Variants in ZC3H12C observed in about 807,000 individuals in gnomAD.
ZC3H12C encodes the protein probable ribonuclease ZC3H12C.
ZC3H12C carries 20 observed loss-of-function variants against 76.3 expected under a neutral mutation model. The observed-to-expected ratio is 0.26, with a 90% CI of 0.18 to 0.38. The LOEUF is 0.38. Ranked by LOEUF, ZC3H12C falls within the 10% of genes least tolerant of loss-of-function variation. The pLI, the probability that ZC3H12C is intolerant of heterozygous loss-of-function variation, is 1.00. For missense variants in ZC3H12C, 874 were observed against 1,086.5 expected, an observed-to-expected ratio of 0.80 and a Z score of 2.75; for synonymous variants, 352 against 399.6, an observed-to-expected ratio of 0.88 and a Z score of 1.42.
chr11:110,119,401 A>G (rs1250188521), intron 1 of ZC3H12C, among the ~76,000 whole-genome samples: 2 of 151,972 alleles, frequency 1.3e-5, no homozygotes, highest in Admixed American at 6.6e-5. Context: ...ACATCCTTCA[A>G]TCAGAACCTT....
At chr11:110,154,006 A>G (rs1862325554) in intron 3 of ZC3H12C, among the ~76,000 whole-genome samples, 1 of 152,212 alleles carries the variant, frequency 6.6e-6, no homozygotes, top group Non-Finnish European at 1.5e-5. Flanking sequence ...CCGTGTAAAG[A>G]CAACTGTAAA....
intron 1 of ZC3H12C, among the ~76,000 whole-genome samples, chr11:110,110,948 A>G (rs1861417210): frequency 1.3e-5 from 2 of 152,216 alleles, no homozygotes; most frequent in African/African-American, 4.8e-5. Context: ...AAAACTTCAC[A>G]AAATTAATTT....
intron 1 of ZC3H12C, among the ~76,000 whole-genome samples, chr11:110,097,373 A>G (rs1475073880): frequency 6.6e-6 from 1 of 152,212 alleles, no homozygotes; most frequent in Non-Finnish European, 1.5e-5. Flanking sequence ...GAATAAGTAG[A>G]AAATCCCATG....
In ZC3H12C at chr11:110,155,691, T is replaced by C. The variant is rs993928110; in HGVS notation, c.913+2633T>C. On this transcript the variant is annotated intron_variant, in intron 3 of 5. Coordinates refer to ENST00000278590, the MANE Select transcript of ZC3H12C (RefSeq NM_033390.2). Reference sequence around the variant, plus strand: ...GATTTTATTTTTGTGTGTCTGTCTATACAGACACACAGGCATACATATATA... The same window carrying C: ...GATTTTATTTTTGTGTGTCTGTCTACACAGACACACAGGCATACATATATA... Among the ~76,000 whole-genome samples, 12 of 152,262 alleles carry C rather than the reference T, an allele frequency of 7.9e-5. No individual in the cohort carries two copies. The East Asian group carries it at 2.3e-3, about 29-fold the overall frequency.
At chr11:110,097,561 T>C (rs947473999) in intron 1 of ZC3H12C, among the ~76,000 whole-genome samples, 4 of 152,264 alleles carry the variant, frequency 2.6e-5, no homozygotes, top group African/African-American at 9.6e-5. Flanking sequence ...CATGTATTAA[T>C]GCATTTAATG....
At chr11:110,159,907 G>A (rs528162514) in intron 4 of ZC3H12C, among the ~76,000 whole-genome samples, 13 of 152,348 alleles carry the variant, frequency 8.5e-5, no homozygotes, top group South Asian at 4.1e-4. Context: ...ATCTTCAGGC[G>A]ATTTCATTGT....
At chr11:110,142,943 T>C (rs901116354) in intron 2 of ZC3H12C, among the ~76,000 whole-genome samples, 1 of 152,224 alleles carries the variant, frequency 6.6e-6, no homozygotes, top group African/African-American at 2.4e-5. Context: ...ATTTAAATGA[T>C]CTATAACAAG....
intron 2 of ZC3H12C, among the ~76,000 whole-genome samples, chr11:110,149,048 T>C (rs988866306): frequency 2.0e-5 from 3 of 152,172 alleles, no homozygotes; most frequent in African/African-American, 7.2e-5. Context: ...CCAAAACCTC[T>C]CCTAGTGTGA....
Position 110,168,639 on chromosome 11 carries a change from C to T in ZC3H12C, c.*2902C>T, listed in dbSNP as rs1358673258. 6.6e-6 allele frequency: 1 copy of T among 152,158 alleles called. No individual in the cohort carries two copies. Among genetic ancestry groups the T allele is most frequent in the Admixed American group, 6.5e-5 (1 of 15,284 alleles). The allele number at this position is 152,158 out of a possible 1,614,324, so 9.4% of individuals were successfully genotyped here. On this transcript the variant is annotated 3_prime_UTR_variant, in exon 6 of 6. Coordinates refer to ENST00000278590, the MANE Select transcript of ZC3H12C (RefSeq NM_033390.2). ...ATAATTGACAGTTGACTGTGCTTTACACAGTAACTAGCCAGTCTGTTGTCT... is the reference window on the plus strand; with the variant it reads ...ATAATTGACAGTTGACTGTGCTTTATACAGTAACTAGCCAGTCTGTTGTCT...
intron 3 of ZC3H12C, among the ~76,000 whole-genome samples, chr11:110,155,298 CA>C (rs5794672): frequency 0.68 from 96,414 of 141,016 alleles, 32,947 homozygotes; most frequent in South Asian, 0.78. Flanking sequence ...GACTCCATCT[CA>C]AAAAAAAAAA....
chr11:110,133,478 A>AT (rs1861900982), intron 1 of ZC3H12C, among the ~76,000 whole-genome samples: 1 of 152,208 alleles, frequency 6.6e-6, no homozygotes. Context: ...TTCAACCAGA[A>AT]TATTTTAAGA....
intron 1 of ZC3H12C, among the ~76,000 whole-genome samples, chr11:110,134,519 T>C (rs1035309385): frequency 2.6e-5 from 4 of 152,170 alleles, no homozygotes; most frequent in Admixed American, 2.6e-4. Flanking sequence ...TTACTTGCAT[T>C]ATGGTGTTAG....
intron 1 of ZC3H12C, among the ~76,000 whole-genome samples, chr11:110,106,692 A>G (rs1861335663): frequency 6.6e-6 from 1 of 152,208 alleles, no homozygotes. Context: ...ATCATATGCT[A>G]TATTTTATAC....
chr11:110,118,538 T>C (rs747102183), intron 1 of ZC3H12C, among the ~76,000 whole-genome samples: 3 of 152,202 alleles, frequency 2.0e-5, no homozygotes, highest in Non-Finnish European at 2.9e-5. Context: ...GGCACACACT[T>C]GTTATCCCAG....
rs962682247 is a variant in ZC3H12C at position 110,164,035 on chromosome 11, G to T, written c.1256-306G>T. On this transcript the variant is annotated intron_variant, in intron 5 of 5. Coordinates refer to ENST00000278590, the MANE Select transcript of ZC3H12C (RefSeq NM_033390.2). The surrounding 1 kb of genome is among the most constrained non-coding windows in gnomAD (Gnocchi z 5.7). ...GAATTGCTTGAACCCGAGAGGCAGAGGTTGCAGTGAGCTGAGATCACACCA... is the reference window on the plus strand; with the variant it reads ...GAATTGCTTGAACCCGAGAGGCAGATGTTGCAGTGAGCTGAGATCACACCA... Among the ~76,000 whole-genome samples, 1 of 151,704 alleles carries T rather than the reference G, an allele frequency of 6.6e-6. No homozygotes were observed. The highest frequency in any genetic ancestry group is 2.4e-5 in the African/African-American group (1 of 41,256).
intron 1 of ZC3H12C, among the ~76,000 whole-genome samples, chr11:110,128,021 G>T (rs1314995358): frequency 6.6e-6 from 1 of 151,722 alleles, no homozygotes; most frequent in Non-Finnish European, 1.5e-5. Flanking sequence ...ACATTCATAC[G>T]TCAGAAAAAG....
At chr11:110,118,884 T>C (rs187468891) in intron 1 of ZC3H12C, among the ~76,000 whole-genome samples, 6 of 152,350 alleles carry the variant, frequency 3.9e-5, no homozygotes, top group Admixed American at 3.3e-4. Context: ...TGAAAGATTT[T>C]AAAATTTTCA....
chr11:110,117,255 ATCC>A (rs1392204526), intron 1 of ZC3H12C, among the ~76,000 whole-genome samples: 1 of 152,188 alleles, frequency 6.6e-6, no homozygotes, highest in Non-Finnish European at 1.5e-5. Flanking sequence ...AGCATATGTA[ATCC>A]TCCTCAAAGT....
intron 1 of ZC3H12C, among the ~76,000 whole-genome samples, chr11:110,132,611 A>G (rs1026548727): frequency 2.0e-5 from 3 of 152,152 alleles, no homozygotes; most frequent in African/African-American, 7.2e-5. Flanking sequence ...TTTTGTGTTC[A>G]AGAATATAGT....
Sources: allele counts gnomAD v4.1 joint callset (sites outside exome capture counted in the v4.1 genomes callset), GRCh38; gene constraint gnomAD v4.1.1; non-coding constraint Gnocchi (gnomAD v3.1); transcripts MANE v1.5; gene names NCBI Gene and HGNC (gene_info 2026-07-23, HGNC 2026-07-21).